CALD1: variants seen among roughly 807,000 people sequenced by gnomAD.
The protein encoded by CALD1 is caldesmon.
In CALD1, 33 loss-of-function variants were observed where a neutral mutation model predicts 99.9. The ratio of observed to expected loss-of-function variants is 0.33; its 90% confidence interval spans 0.25 to 0.44. The LOEUF (loss-of-function observed/expected upper bound fraction) is 0.44. Among genes scored for constraint, CALD1 ranks in the 20% least tolerant of loss-of-function variants. The pLI is 1.00. For missense variants in CALD1, 861 were observed against 962.1 expected (o/e 0.89, Z 1.39); for synonymous variants, 310 against 325.0 (o/e 0.95, Z 0.50).
chr7:134,924,072 T>C (rs1804806920), intron 3 of CALD1, among the ~76,000 whole-genome samples: 1 of 152,232 alleles, frequency 6.6e-6, no homozygotes, highest in African/African-American at 2.4e-5. Context: ...ACTGTGTTGC[T>C]ATTGAAATTA....
intron 1 of CALD1, among the ~76,000 whole-genome samples, chr7:134,818,963 G>C (rs1440892328): frequency 2.6e-5 from 4 of 152,158 alleles, no homozygotes; most frequent in Admixed American, 6.5e-5. Flanking sequence ...GTGTGAGGTA[G>C]AGATTTCAAT....
chr7:134,793,862 A>G (rs929667118), intron 1 of CALD1, among the ~76,000 whole-genome samples: 4 of 145,960 alleles, frequency 2.7e-5, no homozygotes, highest in African/African-American at 1.0e-4. Context: ...CTTCTTTTTT[A>G]TTTCAACCCC....
At chr7:134,862,449 GA>G (rs1290789390) in intron 2 of CALD1, among the ~76,000 whole-genome samples, 1 of 152,104 alleles carries the variant, frequency 6.6e-6, no homozygotes, top group Non-Finnish European at 1.5e-5. Flanking sequence ...TTGTTAAGTG[GA>G]ATAAGCCAAT....
chr7:134,908,940 G>T (rs1020392539), intron 3 of CALD1, among the ~76,000 whole-genome samples: 4 of 152,118 alleles, frequency 2.6e-5, no homozygotes, highest in Non-Finnish European at 5.9e-5. Flanking sequence ...CTAGACACAT[G>T]GGTATTGTTT....
intron 3 of CALD1, among the ~76,000 whole-genome samples, chr7:134,873,120 G>A (rs1381052969): frequency 6.6e-6 from 1 of 152,120 alleles, no homozygotes; most frequent in Non-Finnish European, 1.5e-5. Flanking sequence ...CTGGGAGGCA[G>A]AGGTTGCAGT....
the CALD1 span, among the ~76,000 whole-genome samples, chr7:134,720,184 CTTT>C: frequency 7.1e-6 from 1 of 139,950 alleles, no homozygotes; most frequent in Admixed American, 7.3e-5. Context: ...TAGCCCTCCT[CTTT>C]TTTTTTTTTT....
At position 134,891,651 on chromosome 7, in the gene CALD1, C is replaced by T. The variant is rs765638052; in HGVS notation, c.71+23847C>T. ...GGGTGGATCCGGATCGCATGGAAGA[C>T]GCAGCCTGGCCGCGCTCTCCCAGTG... On this transcript the variant is annotated intron_variant, in intron 3 of 14. Coordinates refer to ENST00000361675, the MANE Select transcript of CALD1 (RefSeq NM_033138.4). 4.4e-6 allele frequency: 7 copies of T among 1,607,528 alleles called. No homozygotes were observed. The Admixed American group carries it at 5.0e-5, about 12-fold the overall frequency.
chr7:134,875,428 G>A (rs1048742395), intron 3 of CALD1, among the ~76,000 whole-genome samples: 1 of 152,208 alleles, frequency 6.6e-6, no homozygotes, highest in Non-Finnish European at 1.5e-5. Flanking sequence ...CTGAGGTCAG[G>A]AGTTCGAGAC....
intron 1 of CALD1, among the ~76,000 whole-genome samples, chr7:134,759,313 G>A (rs1003365267): frequency 6.6e-6 from 1 of 152,178 alleles, no homozygotes; most frequent in Admixed American, 6.5e-5. Context: ...AGACTGAAAA[G>A]TCACAAGGTG....
chr7:134,733,431 C>A, the CALD1 span, among the ~76,000 whole-genome samples: 1 of 152,170 alleles, frequency 6.6e-6, no homozygotes, highest in Non-Finnish European at 1.5e-5. Context: ...ATCCTCTTGA[C>A]AAAACTATAG....
the CALD1 span, among the ~76,000 whole-genome samples, chr7:134,711,660 C>CTCTCTCTCTCTCTA: frequency 2.3e-4 from 18 of 78,332 alleles, no homozygotes; most frequent in African/African-American, 9.9e-4. Context: ...CTCTCTCTCT[C>CTCTCTCTCTCTCTA]TATATATATA....
rs1444019971 is a variant in CALD1 at position 134,891,724 on chromosome 7, T to TG, written c.71+23920_71+23921insG. 2.7e-5 allele frequency: 26 copies of TG among 950,890 alleles called. No individual in the cohort carries two copies. In the African/African-American group the frequency reaches 3.9e-4, roughly 14 times the overall value. 58.9% of individuals were successfully genotyped at this position (950,890 alleles called of 1,614,324 possible). On this transcript the variant is annotated intron_variant, in intron 3 of 14. Transcript: ENST00000361675. ...TTTTTTCCTTTCTTTTTTTTTTTTA[T>TG]AAAAAACAAACGAATTGTTGTAAAA...
chr7:134,968,445 GTTCA>G lies in CALD1; in HGVS notation c.*103_*106del. ...TATTTATGTTGATTTACTAAATTGG[GTTCA>G]TTATCTTTTATTTTTCAATATCCCA... On this transcript the variant is annotated 3_prime_UTR_variant, in exon 15 of 15. Coordinates refer to ENST00000361675, the MANE Select transcript of CALD1 (RefSeq NM_033138.4). 5 of 1,031,260 alleles carry G rather than the reference GTTCA, an allele frequency of 4.8e-6. No homozygotes were observed. Among genetic ancestry groups the G allele is most frequent in the East Asian group, 2.4e-5 (1 of 41,808 alleles). The allele number at this position is 1,031,260 out of a possible 1,614,324, so 63.9% of individuals were successfully genotyped here. A position where few individuals can be genotyped will look rare whatever the true frequency, so the allele number is the denominator to read the frequency against.
rs1368550853 is a variant in CALD1, at chr7:134,947,494, C to G, written c.1533-14C>G. 6.4e-7 allele frequency: 1 copy of G among 1,564,212 alleles called. No individual in the cohort carries two copies. The highest frequency in any genetic ancestry group is 8.7e-7 in the Non-Finnish European group (1 of 1,154,102). The stretch of plus-strand genomic sequence containing the variant: ...AAAGCATGTAAACCCCTTTCCATTG[C>G]CCCCCAACCACAGCCGCCCTGGAGG... On this transcript the variant is annotated splice_polypyrimidine_tract_variant and intron_variant, in intron 7 of 14. Coordinates refer to ENST00000361675, the MANE Select transcript of CALD1 (RefSeq NM_033138.4).
intron 1 of CALD1, among the ~76,000 whole-genome samples, chr7:134,756,508 CTATATT>C (rs1191474782): frequency 6.6e-6 from 1 of 151,836 alleles, no homozygotes; most frequent in Non-Finnish European, 1.5e-5. Flanking sequence ...AAAATCTACT[CTATATT>C]AAGTTTAATT....
chr7:134,886,201 C>G (rs1033258086), intron 3 of CALD1, among the ~76,000 whole-genome samples: 4 of 152,114 alleles, frequency 2.6e-5, no homozygotes, highest in South Asian at 4.1e-4. Flanking sequence ...AAATAACATG[C>G]AAACAAGAGT....
At position 134,932,998 on chromosome 7, in the gene CALD1, G is replaced by A. The variant is rs147912516; in HGVS notation, c.229G>A (p.Glu77Lys). 1.8e-3 allele frequency: 2,821 copies of A among 1,606,722 alleles called. 11 individuals carry two copies. The highest frequency in any genetic ancestry group is 1.8e-3 in the Non-Finnish European group (2,091 of 1,176,300). ...CTTTCTGTTGTACAGTGTGCCTGAC[G>A]AGGAGGCCAAGACAACCACCACAAA... ...EVNAQNSVPD[E>K]EAKTTTTNTQ... Residue 77 changes from glutamate to lysine, a missense_variant, in exon 5 of 15, where the codon GAG becomes AAG. By Grantham distance (56) the Glu-to-Lys change is moderately conservative. Transcript: ENST00000361675.
At chr7:134,823,235 A>G (rs988827482) in intron 1 of CALD1, among the ~76,000 whole-genome samples, 1 of 152,212 alleles carries the variant, frequency 6.6e-6, no homozygotes, top group African/African-American at 2.4e-5. Flanking sequence ...GATGAATAAA[A>G]TATCTCGATA....
chr7:134,797,039 T>A (rs1022303099), intron 1 of CALD1, among the ~76,000 whole-genome samples: 1 of 151,852 alleles, frequency 6.6e-6, no homozygotes, highest in Admixed American at 6.6e-5. Flanking sequence ...TTTTTCTTTT[T>A]TTTGAGAAAA....
Sources: allele counts gnomAD v4.1 joint callset (sites outside exome capture counted in the v4.1 genomes callset), GRCh38; gene constraint gnomAD v4.1.1; transcripts MANE v1.5; gene names NCBI Gene and HGNC (gene_info 2026-07-23, HGNC 2026-07-21).